RASA3: variants seen among roughly 807,000 people sequenced by gnomAD.
RASA3 encodes ras GTPase-activating protein 3.
Under a neutral mutation model 110.0 loss-of-function variants are expected in RASA3, and 73 were observed. The ratio of observed to expected loss-of-function variants is 0.66; its 90% CI spans 0.55 to 0.81. The LOEUF (loss-of-function observed/expected upper bound fraction) is 0.81, where lower values mean the gene tolerates loss of function less well. Among genes scored for constraint, RASA3 ranks in the 30% least tolerant of loss-of-function variants. The probability of loss-of-function intolerance (pLI) is 0.00; values close to 1 mark genes in which losing one functional copy is unlikely to be tolerated. For synonymous variants in RASA3, 500 were observed against 451.4 expected (o/e 1.11, Z -1.37); for missense variants, 976 against 1,113.2 (o/e 0.88, Z 1.75).
intron 1 of RASA3, among the ~76,000 whole-genome samples, chr13:114,080,847 T>C (rs910058363): frequency 1.3e-4 from 19 of 151,722 alleles, no homozygotes; most frequent in Non-Finnish European, 1.0e-4. Context: ...GCCGTCCACC[T>C]AGAACACCAA....
At chr13:114,131,924 C>T (rs1434457892) in intron 1 of RASA3, among the ~76,000 whole-genome samples, 1 of 152,156 alleles carries the variant, frequency 6.6e-6, no homozygotes, top group African/African-American at 2.4e-5. Flanking sequence ...GCAGCAGCAG[C>T]GCGCCGGGGC....
chr13:114,071,470 G>A (rs2079571592), intron 2 of RASA3, among the ~76,000 whole-genome samples: 1 of 152,108 alleles, frequency 6.6e-6, no homozygotes, highest in Non-Finnish European at 1.5e-5. Flanking sequence ...CAATCCATAG[G>A]CCTCTAACAA....
At chr13:114,127,367 G>T (rs905387097) in intron 1 of RASA3, among the ~76,000 whole-genome samples, 2 of 152,196 alleles carry the variant, frequency 1.3e-5, no homozygotes, top group African/African-American at 4.8e-5. Context: ...CACACCTGAA[G>T]GCTGGATGGG....
At chr13:114,110,925 C>T (rs2080209394) in intron 1 of RASA3, among the ~76,000 whole-genome samples, 1 of 152,112 alleles carries the variant, frequency 6.6e-6, no homozygotes, top group African/African-American at 2.4e-5. Flanking sequence ...CGGTCGGGGG[C>T]TGAGCCACGC....
Position 114,101,712 on chromosome 13 carries a change from C to A in RASA3, c.56-27875G>T, listed in dbSNP as rs140304193. Among the ~76,000 whole-genome samples, 740 of 152,334 alleles carry A rather than the reference C, an allele frequency of 4.9e-3. 7 individuals carry two copies. The highest frequency in any genetic ancestry group is 7.7e-3 in the Non-Finnish European group (522 of 68,028). On this transcript the variant is annotated intron_variant, in intron 1 of 23. Coordinates refer to ENST00000334062, the MANE Select transcript of RASA3 (RefSeq NM_007368.4). ...TGGAACTGGAAGCTTCCAGGGAAGA[C>A]GGCAGTGTCTAAGTGTCTCCCTTAA...
intron 1 of RASA3, among the ~76,000 whole-genome samples, chr13:114,077,363 G>T (rs1413874855): frequency 1.4e-5 from 2 of 143,320 alleles, no homozygotes; most frequent in African/African-American, 5.3e-5. Context: ...GCCTGACGAT[G>T]CCCAGTCCTA....
At chr13:114,028,002 G>A (rs2054059960) in intron 5 of RASA3, 75 bp from the exon 6 acceptor site, 3 of 1,297,026 alleles carry the variant, frequency 2.3e-6, no homozygotes, top group South Asian at 1.3e-5. Flanking sequence ...CTCTGGGTCA[G>A]GCAGGAGGCC....
rs901118866 is a variant in RASA3 at position 114,065,720 on chromosome 13, T to C, written c.173+8000A>G. Among the ~76,000 whole-genome samples, 1 of 151,922 alleles carries C rather than the reference T, an allele frequency of 6.6e-6. No individual in the cohort carries two copies. The highest frequency in any genetic ancestry group is 1.5e-5 in the Non-Finnish European group (1 of 67,974). On this transcript the variant is annotated intron_variant, in intron 2 of 23. Transcript: ENST00000334062. This position sits in a 1 kb window ranked among gnomAD's most constrained non-coding sequence, Gnocchi z 4.1. ...CCAGCACTGCAGGGTCACACAGCCC[T>C]GGCTCCCAGAGGTCAGAGGCTGGAG... is the stretch of plus-strand genomic sequence containing the variant.
chr13:114,069,156 C>T (rs1054091418), intron 2 of RASA3, among the ~76,000 whole-genome samples: 4 of 152,202 alleles, frequency 2.6e-5, no homozygotes, highest in African/African-American at 9.6e-5. Context: ...AGCTGAGTTC[C>T]GCCTTTCCTT....
chr13:113,992,987 A>T (rs987913473), intron 21 of RASA3, among the ~76,000 whole-genome samples: 2 of 152,206 alleles, frequency 1.3e-5, no homozygotes, highest in African/African-American at 4.8e-5. Flanking sequence ...CCTACTCCAG[A>T]ATCTTATCAA....
At chr13:114,010,542 G>A (rs952473892) in intron 16 of RASA3, among the ~76,000 whole-genome samples, 2 of 150,958 alleles carry the variant, frequency 1.3e-5, no homozygotes, top group Non-Finnish European at 3.0e-5. Context: ...GAGGATGGAG[G>A]ACGGAGGTTC....
At chr13:114,050,280 G>A (rs995512578) in intron 3 of RASA3, among the ~76,000 whole-genome samples, 1 of 152,232 alleles carries the variant, frequency 6.6e-6, no homozygotes, top group African/African-American at 2.4e-5. Context: ...CCCTGAAGGG[G>A]GGTCAGGTGC....
chr13:114,020,712 A>T (rs978964306), intron 9 of RASA3, among the ~76,000 whole-genome samples: 11 of 152,230 alleles, frequency 7.2e-5, no homozygotes, highest in African/African-American at 2.4e-4. Flanking sequence ...ACAACAGGAA[A>T]GAAAGGCAGG....
In RASA3 at chr13:114,118,181, T is replaced by C. The variant is rs867077888; in HGVS notation, c.55+14254A>G. On this transcript the variant is annotated intron_variant, in intron 1 of 23. Transcript: ENST00000334062. Reference sequence around the variant, plus strand: ...TATTTATCCCTTACTCTATAATAACTTGGAAGGCACAGCCAATATTTCCCT... The same window carrying C: ...TATTTATCCCTTACTCTATAATAACCTGGAAGGCACAGCCAATATTTCCCT... 4.6e-5 allele frequency among the ~76,000 whole-genome samples: 7 copies of C among 152,084 alleles called. No homozygotes were observed. In the South Asian group the frequency reaches 1.0e-3, roughly 23 times the overall value.
intron 7 of RASA3, 108 bp from the exon 8 acceptor site, chr13:114,024,463 A>G: frequency 7.5e-6 from 7 of 939,034 alleles, no homozygotes; most frequent in Non-Finnish European, 1.0e-5. Flanking sequence ...CCCACACACC[A>G]CTCAAGGGCC....
intron 1 of RASA3, among the ~76,000 whole-genome samples, chr13:114,123,238 G>A (rs1452763662): frequency 3.3e-5 from 5 of 152,188 alleles, no homozygotes; most frequent in African/African-American, 1.2e-4. Context: ...CCAGAGCAAT[G>A]GCTGCTCTGG....
chr13:114,073,871 C>T (rs370443198), intron 1 of RASA3, 34 bp from the exon 2 acceptor site: 28 of 1,538,884 alleles, frequency 1.8e-5, no homozygotes, highest in Middle Eastern at 3.4e-4. Context: ...TCATCAGCAG[C>T]GTAGAAATGT....
intron 1 of RASA3, among the ~76,000 whole-genome samples, chr13:114,089,130 C>G (rs1297781730): frequency 6.6e-6 from 1 of 151,592 alleles, no homozygotes; most frequent in Non-Finnish European, 1.5e-5. Context: ...CTCCTTCGCT[C>G]CTTCCTGCTG....
intron 2 of RASA3, among the ~76,000 whole-genome samples, chr13:114,054,404 CA>C: frequency 6.6e-6 from 1 of 151,676 alleles, no homozygotes; most frequent in East Asian, 1.9e-4. Flanking sequence ...GGCATAAGCC[CA>C]AACCTGGGGC....
Sources: gnomAD v4.1 joint callset for allele counts (sites outside exome capture counted in the v4.1 genomes callset) on GRCh38, gnomAD v4.1.1 for gene constraint, Gnocchi (gnomAD v3.1) non-coding constraint, MANE v1.5 for transcripts, NCBI Gene and HGNC (gene_info 2026-07-23, HGNC 2026-07-21) for gene names.